The following LPAR3 variants were observed in gnomAD, a reference collection of about 807,000 sequenced individuals.
The protein encoded by LPAR3 is LPA receptor 3.
LPAR3 carries 7 observed loss-of-function variants against 17.8 expected under a neutral mutation model. The ratio of observed to expected loss-of-function variants is 0.39; its 90% confidence interval spans 0.22 to 0.74. The LOEUF (loss-of-function observed/expected upper bound fraction) is 0.74, where lower values mean the gene tolerates loss of function less well. Ranked by LOEUF, LPAR3 falls within the 30% of genes least tolerant of loss-of-function variation. LPAR3 has a pLI of 0.40. For synonymous variants in LPAR3, 179 were observed against 179.9 expected (o/e 0.99, Z 0.04); for missense variants, 391 against 453.4 (o/e 0.86, Z 1.25).
intron 2 of LPAR3, among the ~76,000 whole-genome samples, chr1:84,839,262 G>C (rs910190157): frequency 1.1e-4 from 17 of 152,176 alleles, no homozygotes; most frequent in Admixed American, 1.0e-3. Flanking sequence ...AGAATTATGT[G>C]TTTTCATAAT....
intron 2 of LPAR3, among the ~76,000 whole-genome samples, chr1:84,824,018 T>C (rs1329102173): frequency 1.3e-5 from 2 of 152,194 alleles, no homozygotes; most frequent in Non-Finnish European, 2.9e-5. Flanking sequence ...TGTGGGCATG[T>C]AATATTTAAT....
chr1:84,885,471 T>C lies in LPAR3; in HGVS notation c.-19+7545A>G, dbSNP rs538921867. Among the ~76,000 whole-genome samples, 10 of 152,346 alleles carry C rather than the reference T, an allele frequency of 6.6e-5. No homozygotes were observed. The South Asian group carries it at 1.9e-3, about 28-fold the overall frequency. ...ACTTTGGGGGAAGGCAATTTGGCAA[T>C]ATCTAATGAGACTTTAAAATATATA... On this transcript the variant is annotated intron_variant, in intron 1 of 2. Coordinates refer to ENST00000370611, the MANE Select transcript of LPAR3 (RefSeq NM_012152.3).
chr1:84,858,483 CAAAA>C (rs10615696), intron 2 of LPAR3, among the ~76,000 whole-genome samples: 14 of 105,772 alleles, frequency 1.3e-4, no homozygotes, highest in Admixed American at 1.9e-4. Flanking sequence ...GAGACTGTCT[CAAAA>C]AAAAAAAAAA....
chr1:84,883,710 G>T (rs1385062347), intron 1 of LPAR3, among the ~76,000 whole-genome samples: 1 of 151,814 alleles, frequency 6.6e-6, no homozygotes, highest in African/African-American at 2.4e-5. Flanking sequence ...TTCTGGCCCA[G>T]GGATTTTTTT....
rs189283202 is a variant in LPAR3 at position 84,845,624 on chromosome 1, T to C, written c.736+19761A>G. Among the ~76,000 whole-genome samples the C allele has an allele frequency of 1.1e-3, 174 of 152,324 alleles. 1 individual carries two copies. Among genetic ancestry groups the C allele is most frequent in the African/African-American group, 4.1e-3 (169 of 41,580 alleles). On this transcript the variant is annotated intron_variant, in intron 2 of 2. Transcript: ENST00000370611. The stretch of plus-strand genomic sequence containing the variant: ...TATCCTGCACTGTGTTGGTCCATCA[T>C]TACCAAAACCAATTAATCTTTTTAA...
intron 1 of LPAR3, among the ~76,000 whole-genome samples, chr1:84,868,084 T>C (rs1230641380): frequency 6.6e-6 from 1 of 152,134 alleles, no homozygotes; most frequent in Non-Finnish European, 1.5e-5. Flanking sequence ...TTCTGATACA[T>C]CTTGTGAAAC....
chr1:84,840,081 C>T (rs1169719094), intron 2 of LPAR3, among the ~76,000 whole-genome samples: 1 of 151,870 alleles, frequency 6.6e-6, no homozygotes, highest in African/African-American at 2.4e-5. Flanking sequence ...TGCCACCACA[C>T]CTGGCTTATT....
intron 2 of LPAR3, among the ~76,000 whole-genome samples, chr1:84,851,297 C>T (rs1176105588): frequency 6.6e-6 from 1 of 152,222 alleles, no homozygotes; most frequent in Non-Finnish European, 1.5e-5. Context: ...TCCACGTTCT[C>T]CTTCCCAGTC....
At chr1:84,875,022 C>T (rs1004947927) in intron 1 of LPAR3, among the ~76,000 whole-genome samples, 28 of 151,956 alleles carry the variant, frequency 1.8e-4, no homozygotes, top group Non-Finnish European at 3.1e-4. Context: ...GCTTCAGCCT[C>T]CTGAGTGGCT....
chr1:84,871,799 C>T (rs908140845), intron 1 of LPAR3, among the ~76,000 whole-genome samples: 6 of 152,170 alleles, frequency 3.9e-5, no homozygotes, highest in African/African-American at 1.4e-4. Context: ...ATTCCCTCTG[C>T]CCAGAAGACT....
At chr1:84,850,285 C>A (rs1331034802) in intron 2 of LPAR3, among the ~76,000 whole-genome samples, 2 of 150,262 alleles carry the variant, frequency 1.3e-5, no homozygotes, top group Admixed American at 1.3e-4. Flanking sequence ...AAGCTGGGAG[C>A]ACTGGCTCAC....
chr1:84,865,340 G>C (rs1375809328), intron 2 of LPAR3, 45 bp downstream of exon 2: 2 of 1,548,778 alleles, frequency 1.3e-6, no homozygotes, highest in African/African-American at 1.4e-5. Flanking sequence ...GTAAAGATTT[G>C]CTGAATGAAT....
At chr1:84,847,329 G>C (rs1430496276) in intron 2 of LPAR3, among the ~76,000 whole-genome samples, 1 of 152,232 alleles carries the variant, frequency 6.6e-6, no homozygotes, top group Non-Finnish European at 1.5e-5. Flanking sequence ...TGTCAGGGCT[G>C]TACTAGTGGA....
intron 2 of LPAR3, among the ~76,000 whole-genome samples, chr1:84,851,284 T>A (rs1159759990): frequency 6.6e-6 from 1 of 152,218 alleles, no homozygotes; most frequent in African/African-American, 2.4e-5. Context: ...ATGTCGATTC[T>A]CTTCCACGTT....
chr1:84,840,247 A>G (rs983559398), intron 2 of LPAR3, among the ~76,000 whole-genome samples: 2 of 152,250 alleles, frequency 1.3e-5, no homozygotes, highest in African/African-American at 4.8e-5. Context: ...TATTAGCATT[A>G]GTGTTAATGA....
intron 1 of LPAR3, among the ~76,000 whole-genome samples, chr1:84,868,119 T>C (rs1186457689): frequency 3.3e-5 from 5 of 152,208 alleles, no homozygotes; most frequent in African/African-American, 9.7e-5. Context: ...ATAGCATTTT[T>C]TTTTTTCCAA....
intron 1 of LPAR3, among the ~76,000 whole-genome samples, chr1:84,884,184 T>G (rs959610263): frequency 1.3e-5 from 2 of 152,242 alleles, no homozygotes; most frequent in African/African-American, 4.8e-5. Flanking sequence ...AAATCGGGTA[T>G]CAGTTTAGAC....
In LPAR3 at chr1:84,865,755, A is replaced by G. The variant is rs764059517; in HGVS notation, c.366T>C (p.Val122=). ...SLTASLTNLL[V]IAVERHMSIM... ...TTGACATGTGCCTCTCCACGGCGAT[A>G]ACCAGCAAGTTGGTGAGGGAAGCAG... The change falls in exon 2 of 3, where the codon GTT becomes GTC. Residue 122 remains valine (V), a synonymous_variant. Transcript: ENST00000370611. 8 of 1,614,230 alleles carry G rather than the reference A, an allele frequency of 5.0e-6. No homozygotes were observed. The highest frequency in any genetic ancestry group is 6.8e-6 in the Non-Finnish European group (8 of 1,180,042).
chr1:84,836,128 G>C (rs1378103882), intron 2 of LPAR3, among the ~76,000 whole-genome samples: 4 of 145,346 alleles, frequency 2.8e-5, no homozygotes, highest in Non-Finnish European at 6.0e-5. Flanking sequence ...CTTGAGCCCA[G>C]GAGTTCAAGA....
Sources: gnomAD v4.1 joint callset for allele counts (sites outside exome capture counted in the v4.1 genomes callset) on GRCh38, gnomAD v4.1.1 for gene constraint, MANE v1.5 for transcripts, NCBI Gene and HGNC (gene_info 2026-07-23, HGNC 2026-07-21) for gene names.